PTPN13: variants seen among roughly 807,000 people sequenced by gnomAD.
PTPN13 encodes the protein protein tyrosine phosphatase non-receptor type 13.
A neutral mutation model predicts 284.0 loss-of-function variants in PTPN13; 191 were observed. That is an observed-to-expected ratio of 0.67 (90% CI 0.60 to 0.76). The LOEUF (loss-of-function observed/expected upper bound fraction) is 0.76. PTPN13 is among the 30% of genes least tolerant of loss of function. The probability of loss-of-function intolerance (pLI) is 0.00; values close to 1 mark genes in which losing one functional copy is unlikely to be tolerated. For missense variants in PTPN13, 2,797 were observed against 2,939.9 expected, an observed-to-expected ratio of 0.95 and a Z score of 1.12; for synonymous variants, 986 against 1,022.3, an observed-to-expected ratio of 0.96 and a Z score of 0.68.
In PTPN13 at chr4:86,605,890, A is replaced by G. The variant is rs1242252988; in HGVS notation, c.-6+11101A>G. On this transcript the variant is annotated intron_variant, in intron 1 of 47. Transcript: ENST00000411767. The stretch of plus-strand genomic sequence containing the variant: ...GAAAGTAATGAGAGGTTGTTAAAGG[A>G]TTTATAGAGGCTTTGTGAGTTTGAA... 2.0e-5 allele frequency among the ~76,000 whole-genome samples: 3 copies of G among 151,830 alleles called. No homozygotes were observed. In the South Asian group the frequency reaches 6.2e-4, roughly 31 times the overall value.
rs1741189511 is a variant in PTPN13 at position 86,780,569 on chromosome 4, T to A, written c.5962+97T>A. The A allele has an allele frequency of 5.0e-6, 4 of 804,138 alleles. No homozygotes were observed. The Admixed American group carries it at 6.1e-5, about 12-fold the overall frequency. The allele number at this position is 804,138 out of a possible 1,614,324, so 49.8% of individuals were successfully genotyped here. A position where few individuals can be genotyped will look rare whatever the true frequency, so the allele number is the denominator to read the frequency against. On this transcript the variant is annotated intron_variant, in intron 36 of 47. Transcript: ENST00000411767. ...AACAGGTTGACAATTTCTTAAAAAT[T>A]ATAACTTACACCTAAAATATAATCC...
intron 7 of PTPN13, among the ~76,000 whole-genome samples, chr4:86,702,948 T>C (rs973667282): frequency 6.6e-6 from 1 of 152,150 alleles, no homozygotes; most frequent in Non-Finnish European, 1.5e-5. Context: ...ATATTTCCTT[T>C]AAAGTATTCT....
At chr4:86,692,618 A>G (rs891744152) in intron 5 of PTPN13, among the ~76,000 whole-genome samples, 5 of 152,098 alleles carry the variant, frequency 3.3e-5, no homozygotes, top group African/African-American at 9.7e-5. Context: ...TGGTCTGTCC[A>G]GTTTTTTATC....
At chr4:86,793,778 C>G (rs1742974293) in intron 40 of PTPN13, among the ~76,000 whole-genome samples, 1 of 152,128 alleles carries the variant, frequency 6.6e-6, no homozygotes. Context: ...AAAATGAAGG[C>G]AGAAATAAAG....
At chr4:86,693,090 A>G (rs1730209809) in intron 5 of PTPN13, among the ~76,000 whole-genome samples, 1 of 151,540 alleles carries the variant, frequency 6.6e-6, no homozygotes, top group Non-Finnish European at 1.5e-5. Flanking sequence ...AAAAAAAAAA[A>G]AAAGACTTAG....
At chr4:86,675,621 A>G (rs1156778632) in intron 3 of PTPN13, among the ~76,000 whole-genome samples, 2 of 152,160 alleles carry the variant, frequency 1.3e-5, no homozygotes, top group African/African-American at 4.8e-5. Flanking sequence ...ACATGTTTGT[A>G]TGAAAAAACT....
chr4:86,636,863 C>T (rs1430973623), intron 2 of PTPN13, among the ~76,000 whole-genome samples: 1 of 151,894 alleles, frequency 6.6e-6, no homozygotes, highest in African/African-American at 2.4e-5. Flanking sequence ...CTAAAAAAAA[C>T]CCTTCAAAAA....
In PTPN13 at chr4:86,747,549, G is replaced by A. The variant is rs113862523; in HGVS notation, c.2650+2421G>A. Among the ~76,000 whole-genome samples the A allele has an allele frequency of 2.0e-3, 285 of 143,814 alleles. 3 individuals carry two copies. The highest frequency in any genetic ancestry group is 7.0e-3 in the African/African-American group (267 of 38,354). The allele number at this position is 143,814 out of a possible 152,430, so 94.3% of individuals were successfully genotyped here. On this transcript the variant is annotated intron_variant, in intron 17 of 47. Coordinates refer to ENST00000411767, the MANE Select transcript of PTPN13 (RefSeq NM_080683.3). ...CGGTAATAGTAGCAGCAGCAGCAGCGGCAGCAGCAGCAGCAGCAGCAGCAG... is the reference window on the plus strand; with the variant it reads ...CGGTAATAGTAGCAGCAGCAGCAGCAGCAGCAGCAGCAGCAGCAGCAGCAG...
At chr4:86,644,986 A>G (rs1178180689) in intron 2 of PTPN13, among the ~76,000 whole-genome samples, 1 of 152,114 alleles carries the variant, frequency 6.6e-6, no homozygotes, top group African/African-American at 2.4e-5. Flanking sequence ...GGCAGAAGAG[A>G]CTGCTTGAGT....
chr4:86,628,548 T>A (rs1340072240), intron 1 of PTPN13, among the ~76,000 whole-genome samples: 1 of 143,496 alleles, frequency 7.0e-6, no homozygotes, highest in South Asian at 2.3e-4. Context: ...CATGTGCACA[T>A]TGTGCAGGTT....
At chr4:86,629,410 A>G (rs1384963296) in intron 1 of PTPN13, among the ~76,000 whole-genome samples, 2 of 150,990 alleles carry the variant, frequency 1.3e-5, no homozygotes, top group Admixed American at 1.3e-4. Flanking sequence ...ATCATCTCAC[A>G]CCAGTTAGAA....
In PTPN13 at chr4:86,732,744, G is replaced by C. The variant is rs766135686; in HGVS notation, c.1836G>C (p.Leu612Phe). The change falls in exon 12 of 48, where the codon TTG becomes TTC. Residue 612 changes from leucine (L) to phenylalanine (F), a missense_variant. Transcript: ENST00000411767. ...ATATTGGCTTAGTAGAGCATCATTT[G>C]TTTGCTTTAGCTACCCTCAAAGGTA... ...VAHIGLVEHH[L>F]FALATLKDNE... 6.2e-7 allele frequency: 1 copy of C among 1,612,812 alleles called. No homozygotes were observed. Among genetic ancestry groups the C allele is most frequent in the Admixed American group, 1.7e-5 (1 of 59,882 alleles).
intron 1 of PTPN13, among the ~76,000 whole-genome samples, chr4:86,634,193 T>G (rs1026412176): frequency 6.6e-6 from 1 of 152,214 alleles, no homozygotes; most frequent in Admixed American, 6.5e-5. Context: ...TTTTATAGGT[T>G]AACTTTTAAA....
At chr4:86,683,445 G>T (rs546513247) in intron 3 of PTPN13, among the ~76,000 whole-genome samples, 1 of 152,302 alleles carries the variant, frequency 6.6e-6, no homozygotes, top group South Asian at 2.1e-4. Flanking sequence ...TAAGTAGAAA[G>T]AATTCTCTTA....
intron 47 of PTPN13, among the ~76,000 whole-genome samples, chr4:86,811,675 C>A (rs112242448): frequency 6.6e-6 from 1 of 152,112 alleles, no homozygotes; most frequent in African/African-American, 2.4e-5. Context: ...CAGGGAGTGC[C>A]GTATTTAGAG....
chr4:86,785,818 T>C (rs1183130758), intron 39 of PTPN13, 30 bp from the exon 40 acceptor site: 1 of 1,379,088 alleles, frequency 7.3e-7, no homozygotes. Context: ...GTTTTATAAA[T>C]TCCTCTTGGC....
intron 2 of PTPN13, among the ~76,000 whole-genome samples, chr4:86,649,473 A>C (rs542840996): frequency 4.1e-4 from 63 of 152,320 alleles, no homozygotes; most frequent in African/African-American, 1.3e-3. Flanking sequence ...AGCATCATTT[A>C]TGAAGAGACT....
intron 1 of PTPN13, among the ~76,000 whole-genome samples, chr4:86,598,219 A>T (rs1204598547): frequency 2.0e-5 from 3 of 151,570 alleles, no homozygotes; most frequent in Non-Finnish European, 1.5e-5. Flanking sequence ...TCTCACTGCA[A>T]CCTCTGCCCC....
chr4:86,805,353 TA>T lies in PTPN13; in HGVS notation c.6734del (p.Asn2245IlefsTer52). 2 of 1,587,436 alleles carry T rather than the reference TA, an allele frequency of 1.3e-6. No homozygotes were observed. The highest frequency in any genetic ancestry group is 2.2e-5 in the East Asian group (1 of 44,534). ...TKENRRKNRY[K>X]NILPYDATRV... is the part of the protein sequence containing the mutation. Reference sequence around the variant, plus strand: ...AGGAAAACAGAAGGAAGAACAGATATAAAAATATACTTCCCTGTAAGTTCCA... The same window carrying T: ...AGGAAAACAGAAGGAAGAACAGATATAAAATATACTTCCCTGTAAGTTCCA... On this transcript the variant is annotated frameshift_variant, in exon 44 of 48. Transcript: ENST00000411767. LOFTEE classifies it high-confidence loss of function.
Sources: gnomAD v4.1 joint callset for allele counts (sites outside exome capture counted in the v4.1 genomes callset) on GRCh38, gnomAD v4.1.1 for gene constraint, MANE v1.5 for transcripts, NCBI Gene and HGNC (gene_info 2026-07-23, HGNC 2026-07-21) for gene names.